PCDHGA4: variants seen among roughly 807,000 people sequenced by gnomAD.
PCDHGA4 encodes the protein protocadherin gamma-A4.
In PCDHGA4, 38 loss-of-function variants were observed where a neutral mutation model predicts 54.6. The ratio of observed to expected loss-of-function variants is 0.70; its 90% CI spans 0.54 to 0.91. PCDHGA4 has a LOEUF of 0.91. PCDHGA4 is among the 40% of genes least tolerant of loss of function. PCDHGA4 has a pLI of 0.00. For synonymous variants in PCDHGA4, 511 were observed against 512.9 expected (o/e 1.00, Z 0.05); for missense variants, 1,298 against 1,220.9 (o/e 1.06, Z -0.94).
chr5:141,453,022 T>C (rs1222692572), intron 1 of PCDHGA4, among the ~76,000 whole-genome samples: 1 of 152,230 alleles, frequency 6.6e-6, no homozygotes, highest in Non-Finnish European at 1.5e-5. Flanking sequence ...ATGTGATTCA[T>C]TAAAATAAAG....
chr5:141,386,660 A>C (rs1300288203), intron 1 of PCDHGA4, among the ~76,000 whole-genome samples: 1 of 151,968 alleles, frequency 6.6e-6, no homozygotes, highest in Non-Finnish European at 1.5e-5. Context: ...CAAGTTCTGC[A>C]GTGTTCACAT....
At position 141,374,676 on chromosome 5, in the gene PCDHGA4, G is replaced by T. The variant is rs372705367; in HGVS notation, c.2514+17055G>T. ...AAGTACCCGGAGCTGGTGCTGGAGG[G>T]CACACTGGACCGGGAAGGAGAAGCC... On this transcript the variant is annotated intron_variant, in intron 1 of 3. Coordinates refer to ENST00000571252, the MANE Select transcript of PCDHGA4 (RefSeq NM_018917.4). 8 of 1,610,386 alleles carry T rather than the reference G, an allele frequency of 5.0e-6. No individual in the cohort carries two copies. The African/African-American group carries it at 1.1e-4, about 22-fold the overall frequency.
In PCDHGA4 at chr5:141,452,847, T is replaced by G. The variant is rs575815407; in HGVS notation, c.2515-41960T>G. Among the ~76,000 whole-genome samples, 42 of 152,304 alleles carry G rather than the reference T, an allele frequency of 2.8e-4. 1 individual carries two copies. Among genetic ancestry groups the G allele is most frequent in the Admixed American group, 2.5e-3 (38 of 15,302 alleles). ...AAATCACTTGGTCCAGCCCACACTC[T>G]GGGGAGATGATTTTCTAACTCCATT... On this transcript the variant is annotated intron_variant, in intron 1 of 3. Coordinates refer to ENST00000571252, the MANE Select transcript of PCDHGA4 (RefSeq NM_018917.4).
chr5:141,442,052 G>T (rs2098295034), intron 1 of PCDHGA4: 1 of 197,576 alleles, frequency 5.1e-6, no homozygotes, highest in South Asian at 6.6e-5. Flanking sequence ...TACTGGTCGC[G>T]GTGCACTGCG....
intron 1 of PCDHGA4, among the ~76,000 whole-genome samples, chr5:141,359,096 T>C (rs1761115618): frequency 1.3e-5 from 2 of 152,222 alleles, no homozygotes; most frequent in Non-Finnish European, 2.9e-5. Context: ...TTCTACATGG[T>C]TTTGTATTCA....
chr5:141,417,618 G>A (rs370911891), intron 1 of PCDHGA4: 3 of 654,230 alleles, frequency 4.6e-6, no homozygotes, highest in Non-Finnish European at 7.4e-6. Context: ...CCAGTGCAGA[G>A]CAAGCGCTGA....
At chr5:141,466,213 C>G (rs2099118871) in intron 1 of PCDHGA4, among the ~76,000 whole-genome samples, 1 of 151,958 alleles carries the variant, frequency 6.6e-6, no homozygotes, top group South Asian at 2.1e-4. Flanking sequence ...CTCTGTTACC[C>G]AGGCTGGAGT....
chr5:141,507,613 T>G (rs1003099044), intron 3 of PCDHGA4, among the ~76,000 whole-genome samples: 1 of 152,248 alleles, frequency 6.6e-6, no homozygotes, highest in African/African-American at 2.4e-5. Context: ...ACAGGTATAT[T>G]TAGCTGTTGT....
intron 1 of PCDHGA4, chr5:141,441,667 A>C: frequency 3.7e-6 from 1 of 267,984 alleles, no homozygotes; most frequent in Non-Finnish European, 7.4e-6. Flanking sequence ...TTGAGCGCAC[A>C]GTGCGCCTTC....
chr5:141,367,022 A>G (rs1764910545), intron 1 of PCDHGA4: 1 of 407,704 alleles, frequency 2.5e-6, no homozygotes, highest in African/African-American at 2.1e-5. Flanking sequence ...ATTTTGTTAT[A>G]TTGGAACTGC....
chr5:141,503,075 G>A (rs1373753092), intron 2 of PCDHGA4, among the ~76,000 whole-genome samples: 1 of 151,438 alleles, frequency 6.6e-6, no homozygotes, highest in African/African-American at 2.4e-5. Context: ...GAATGGTCTC[G>A]ATCTCCTGAC....
chr5:141,362,391 C>A, intron 1 of PCDHGA4: 2 of 1,614,058 alleles, frequency 1.2e-6, no homozygotes, highest in Admixed American at 3.3e-5. Flanking sequence ...CCTATTCCTA[C>A]AACCTGTGTG....
chr5:141,399,945 G>T, intron 1 of PCDHGA4: 2 of 1,612,308 alleles, frequency 1.2e-6, no homozygotes, highest in Non-Finnish European at 1.7e-6. Context: ...ACGTGCTGCA[G>T]GCTAGCGAGC....
intron 1 of PCDHGA4, chr5:141,388,783 C>A: frequency 3.1e-6 from 5 of 1,613,818 alleles, no homozygotes; most frequent in South Asian, 1.1e-5. Context: ...GGGGAAATTA[C>A]TGTTTTAAAT....
intron 2 of PCDHGA4, among the ~76,000 whole-genome samples, chr5:141,501,290 T>TAC (rs55762287): frequency 0.12 from 16,682 of 135,960 alleles, 995 homozygotes; most frequent in African/African-American, 0.18. Flanking sequence ...TATTCCCTTA[T>TAC]ACACACACAC....
chr5:141,428,222 C>A, intron 1 of PCDHGA4: 1 of 1,173,442 alleles, frequency 8.5e-7, no homozygotes, highest in Non-Finnish European at 1.2e-6. Flanking sequence ...CTAGTCTTCG[C>A]AGACAGCCTG....
In PCDHGA4 at chr5:141,385,618, A is replaced by C. The variant is rs1174442072; in HGVS notation, c.2514+27997A>C. 7.5e-6 allele frequency: 8 copies of C among 1,062,366 alleles called. No individual in the cohort carries two copies. The East Asian group carries it at 3.6e-4, about 48-fold the overall frequency. The allele number at this position is 1,062,366 out of a possible 1,614,324, so 65.8% of individuals were successfully genotyped here. A position where few individuals can be genotyped will look rare whatever the true frequency, so the allele number is the denominator to read the frequency against. On this transcript the variant is annotated intron_variant, in intron 1 of 3. Coordinates refer to ENST00000571252, the MANE Select transcript of PCDHGA4 (RefSeq NM_018917.4). ...CTTTCTTAACTCATATATTTTATAC[A>C]TTGGAATGAATCGAGTCTTTCATAT...
intron 1 of PCDHGA4, chr5:141,371,931 G>T: frequency 6.2e-7 from 1 of 1,613,372 alleles, no homozygotes; most frequent in Non-Finnish European, 8.5e-7. Flanking sequence ...GCGGAGCGGG[G>T]TGGTGTTCGC....
intron 1 of PCDHGA4, chr5:141,364,951 T>G: frequency 6.2e-7 from 1 of 1,613,774 alleles, no homozygotes; most frequent in East Asian, 2.2e-5. Context: ...AAGAGACTGT[T>G]CACGACCTCC....
Sources: allele counts gnomAD v4.1 joint callset (sites outside exome capture counted in the v4.1 genomes callset), GRCh38; gene constraint gnomAD v4.1.1; transcripts MANE v1.5; gene names NCBI Gene and HGNC (gene_info 2026-07-23, HGNC 2026-07-21).